Variants in FBXO4 observed in about 807,000 individuals in gnomAD.
The protein encoded by FBXO4 is F-box only protein 4.
A neutral mutation model predicts 43.7 loss-of-function variants in FBXO4; 36 were observed. The observed-to-expected ratio is 0.82, with a 90% CI of 0.63 to 1.09. The LOEUF is 1.09. Ranked by LOEUF, FBXO4 falls within the 50% of genes least tolerant of loss-of-function variation. The pLI is 0.00. For synonymous variants in FBXO4, 180 were observed against 165.6 expected, an observed-to-expected ratio of 1.09 and a Z score of -0.67; for missense variants, 435 against 474.1, an observed-to-expected ratio of 0.92 and a Z score of 0.77.
the FBXO4 span, among the ~76,000 whole-genome samples, chr5:41,999,556 T>TAC: frequency 7.9e-6 from 1 of 127,184 alleles, no homozygotes; most frequent in African/African-American, 3.6e-5. Flanking sequence ...TATATATATA[T>TAC]ATATATGTAT....
At chr5:41,972,236 A>G in the FBXO4 span, among the ~76,000 whole-genome samples, 1 of 152,150 alleles carries the variant, frequency 6.6e-6, no homozygotes, top group South Asian at 2.1e-4. Context: ...CTGACAAATA[A>G]CATCAGTAAT....
chr5:41,958,297 GC>G, the FBXO4 span, among the ~76,000 whole-genome samples: 1 of 152,012 alleles, frequency 6.6e-6, no homozygotes, highest in Non-Finnish European at 1.5e-5. Flanking sequence ...ACCACACCTG[GC>G]TAATTTTTTG....
At chr5:42,036,092 C>T in the FBXO4 span, among the ~76,000 whole-genome samples, 1 of 152,228 alleles carries the variant, frequency 6.6e-6, no homozygotes, top group Non-Finnish European at 1.5e-5. Flanking sequence ...GTCTCATATA[C>T]TCCTAGTGTT....
chr5:41,966,512 G>A, the FBXO4 span, among the ~76,000 whole-genome samples: 2 of 152,162 alleles, frequency 1.3e-5, no homozygotes, highest in East Asian at 1.9e-4. Context: ...CATAAAATGA[G>A]GACTAAAAGC....
At chr5:42,017,305 C>T in the FBXO4 span, among the ~76,000 whole-genome samples, 3 of 151,814 alleles carry the variant, frequency 2.0e-5, no homozygotes, top group Admixed American at 1.3e-4. Context: ...TGATATCAAA[C>T]GGAAGAGAAA....
At chr5:42,030,058 TC>T in the FBXO4 span, among the ~76,000 whole-genome samples, 1 of 152,004 alleles carries the variant, frequency 6.6e-6, no homozygotes, top group Non-Finnish European at 1.5e-5. Flanking sequence ...TTCAATGCCA[TC>T]CCCATCAAGC....
chr5:41,949,307 A>C, the FBXO4 span, among the ~76,000 whole-genome samples: 2 of 152,204 alleles, frequency 1.3e-5, no homozygotes, highest in African/African-American at 4.8e-5. Context: ...TGTATGTATG[A>C]GTTAGAAAAC....
At chr5:41,929,607 G>A in intron 2 of FBXO4, 90 bp from the exon 3 acceptor site, 3 of 891,600 alleles carry the variant, frequency 3.4e-6, no homozygotes, top group Non-Finnish European at 5.1e-6. Flanking sequence ...TATCCATTGT[G>A]TCTAGCAAGT....
the FBXO4 span, among the ~76,000 whole-genome samples, chr5:41,996,628 C>A: frequency 6.6e-6 from 1 of 152,196 alleles, no homozygotes; most frequent in African/African-American, 2.4e-5. Context: ...CCTTTTGGGT[C>A]ACTTGATAAA....
intron 6 of FBXO4, among the ~76,000 whole-genome samples, chr5:41,939,834 ATTTTTTTTTT>A (rs60238550): frequency 1.0e-4 from 8 of 79,320 alleles, no homozygotes; most frequent in Non-Finnish European, 1.2e-4. Context: ...ACAATTGGGG[ATTTTTTTTTT>A]TTTTTTTTTT....
the FBXO4 span, among the ~76,000 whole-genome samples, chr5:42,033,737 C>T: frequency 6.6e-6 from 1 of 152,128 alleles, no homozygotes; most frequent in East Asian, 1.9e-4. Flanking sequence ...GCATAGCATT[C>T]CGTGGTGTAT....
the FBXO4 span, among the ~76,000 whole-genome samples, chr5:41,966,762 G>A: frequency 1.3e-5 from 2 of 151,928 alleles, no homozygotes; most frequent in Non-Finnish European, 2.9e-5. Flanking sequence ...AACTCAAAAG[G>A]TTTGGTACCT....
At chr5:41,942,203 G>T (rs1277043394), downstream of FBXO4, among the ~76,000 whole-genome samples, 1 of 151,774 alleles carries the variant, frequency 6.6e-6, no homozygotes, top group Admixed American at 6.6e-5. Context: ...TTGTTGAGGG[G>T]GCAGAATTTT....
At chr5:41,979,580 T>C in the FBXO4 span, among the ~76,000 whole-genome samples, 1 of 152,186 alleles carries the variant, frequency 6.6e-6, no homozygotes, top group Non-Finnish European at 1.5e-5. Flanking sequence ...AGTTTCAAAC[T>C]ACCAACATGA....
chr5:42,011,603 G>A, the FBXO4 span, among the ~76,000 whole-genome samples: 1 of 152,134 alleles, frequency 6.6e-6, no homozygotes, highest in Non-Finnish European at 1.5e-5. Flanking sequence ...TTATTGAACT[G>A]TTATTAGATG....
the FBXO4 span, among the ~76,000 whole-genome samples, chr5:42,007,835 T>A: frequency 6.6e-6 from 1 of 152,108 alleles, no homozygotes; most frequent in Admixed American, 6.6e-5. Context: ...CCCAATTATT[T>A]CTAGAATTGG....
At chr5:41,969,729 C>T in the FBXO4 span, among the ~76,000 whole-genome samples, 1 of 152,088 alleles carries the variant, frequency 6.6e-6, no homozygotes, top group East Asian at 1.9e-4. Context: ...TGAAGCACCT[C>T]TTGGATTTTA....
the FBXO4 span, among the ~76,000 whole-genome samples, chr5:42,019,205 G>A: frequency 6.6e-6 from 1 of 152,010 alleles, no homozygotes; most frequent in Non-Finnish European, 1.5e-5. Context: ...ATATGGCTTT[G>A]CAATTAAAAT....
the FBXO4 span, among the ~76,000 whole-genome samples, chr5:42,039,740 A>G: frequency 7.9e-5 from 12 of 152,132 alleles, no homozygotes; most frequent in African/African-American, 2.9e-4. Context: ...GGCAAAGGTG[A>G]AAAGAATTTT....
Sources: gnomAD v4.1 joint callset for allele counts (sites outside exome capture counted in the v4.1 genomes callset) on GRCh38, gnomAD v4.1.1 for gene constraint, MANE v1.5 for transcripts, NCBI Gene and HGNC (gene_info 2026-07-23, HGNC 2026-07-21) for gene names.